The following ARHGEF9 variants were observed in gnomAD, a reference collection of about 807,000 sequenced individuals.
ARHGEF9 encodes Cdc42 guanine nucleotide exchange factor 9, also known as rho guanine nucleotide exchange factor 9.
ARHGEF9 carries 2 observed loss-of-function variants against 41.3 expected under a neutral mutation model. The observed-to-expected ratio is 0.05, with a 90% confidence interval of 0.02 to 0.15. The LOEUF is 0.15. Ranked by LOEUF, ARHGEF9 falls within the 10% of genes least tolerant of loss-of-function variation. ARHGEF9 has a pLI of 1.00. For missense variants in ARHGEF9, 225 were observed against 424.7 expected (o/e 0.53, Z 4.13); for synonymous variants, 160 against 154.4 (o/e 1.04, Z -0.27).
At chrX:63,642,227 T>C (rs1317778926) in intron 9 of ARHGEF9, 1 of 111,608 alleles carries the variant, frequency 9.0e-6, no homozygotes. Flanking sequence ...GTTAGGACAG[T>C]ATCCCTTTTG....
rs782750110 is a variant in ARHGEF9, at chrX:63,767,448, T to A, written c.30+17668A>T. 1.6e-5 allele frequency: 5 copies of A among 322,395 alleles called. No homozygotes were observed. The South Asian group carries it at 1.7e-4, about 11-fold the overall frequency. The allele number at this position is 322,395 out of a possible 1,213,427, so 26.6% of individuals were successfully genotyped here. A position where few individuals can be genotyped will look rare whatever the true frequency, so the allele number is the denominator to read the frequency against. ...TGTTTATGGATCTGATAAAATCTAG[T>A]TCTGTAATATTTTTAAGCCCAAGCC... On this transcript the variant is annotated intron_variant, in intron 1 of 9. Coordinates refer to ENST00000671741, the MANE Select transcript of ARHGEF9 (RefSeq NM_001353921.2).
intron 1 of ARHGEF9, among the ~76,000 whole-genome samples, chrX:63,779,355 A>G (rs2056344350): frequency 8.9e-6 from 1 of 112,537 alleles, no homozygotes; most frequent in African/African-American, 3.2e-5. Context: ...GGGAGGCCTC[A>G]CGATCACGGC....
At chrX:63,640,532 T>C (rs1261080593) in intron 9 of ARHGEF9, 1 of 112,472 alleles carries the variant, frequency 8.9e-6, no homozygotes, top group Non-Finnish European at 1.9e-5. Flanking sequence ...TATACTGATC[T>C]AGTTAATTAG....
intron 4 of ARHGEF9, among the ~76,000 whole-genome samples, chrX:63,685,654 A>T (rs1159373762): frequency 8.9e-6 from 1 of 111,968 alleles, no homozygotes; most frequent in Non-Finnish European, 1.9e-5. Context: ...ATACCTAAAA[A>T]TAGATCTGCA....
chrX:63,647,795 C>T (rs2048219193), intron 8 of ARHGEF9, among the ~76,000 whole-genome samples: 1 of 111,140 alleles, frequency 9.0e-6, no homozygotes, highest in Non-Finnish European at 1.9e-5. Flanking sequence ...GGAATAGTTT[C>T]AGAAGGAATG....
rs368580083 is a variant in ARHGEF9, at chrX:63,739,844, T to C, written c.31-15133A>G. Among the ~76,000 whole-genome samples, 3 of 112,323 alleles carry C rather than the reference T, an allele frequency of 2.7e-5. No individual in the cohort carries two copies. The East Asian group carries it at 8.4e-4, about 32-fold the overall frequency. On this transcript the variant is annotated intron_variant, in intron 1 of 9. Transcript: ENST00000671741. ...TCACATCCTATGTCACAATGAAGTCTTGCACTTAAAACTCTTATGAGAGAC... is the reference window on the plus strand; with the variant it reads ...TCACATCCTATGTCACAATGAAGTCCTGCACTTAAAACTCTTATGAGAGAC...
Position 63,737,429 on chromosome X carries a change from G to A in ARHGEF9, c.31-12718C>T, listed in dbSNP as rs1402498017. ...GCTTCTAAAAGCAGGTTTTGACAGG[G>A]GTGGGGTGGCCCCCCAAAAAAAATG... is the stretch of plus-strand genomic sequence containing the variant. On this transcript the variant is annotated intron_variant, in intron 1 of 9. Transcript: ENST00000671741. Among the ~76,000 whole-genome samples the A allele has an allele frequency of 2.7e-5, 3 of 112,034 alleles. No individual in the cohort carries two copies. In the South Asian group the frequency reaches 1.1e-3, roughly 42 times the overall value.
chrX:63,724,625 G>C lies in ARHGEF9; in HGVS notation c.117C>G (p.Gly39=), dbSNP rs781806390. The C allele has an allele frequency of 3.3e-6, 4 of 1,211,001 alleles. No individual in the cohort carries two copies. The South Asian group carries it at 7.0e-5, about 21-fold the overall frequency. The change falls in exon 2 of 10, where the codon GGC becomes GGG. Residue 39 remains glycine (G), a synonymous_variant. Coordinates refer to ENST00000671741, the MANE Select transcript of ARHGEF9 (RefSeq NM_001353921.2). ...AAGCATCCAAGACTTTGATGACGTCGCCAGCTTTAAATGCCAACTCCCGGT... is the reference window on the plus strand; with the variant it reads ...AAGCATCCAAGACTTTGATGACGTCCCCAGCTTTAAATGCCAACTCCCGGT... The part of the protein sequence containing the change: ...MANRELAFKA[G]DVIKVLDASN...
At chrX:63,687,825 A>C (rs2051080574) in intron 4 of ARHGEF9, among the ~76,000 whole-genome samples, 2 of 110,180 alleles carry the variant, frequency 1.8e-5, no homozygotes, top group South Asian at 3.9e-4. Context: ...GAAGAGAAAA[A>C]ATAATGAGAA....
At chrX:63,660,274 A>C (rs181702920) in intron 7 of ARHGEF9, among the ~76,000 whole-genome samples, 11 of 111,890 alleles carry the variant, frequency 9.8e-5, no homozygotes, top group Non-Finnish European at 2.1e-4. Context: ...CATTATCCTA[A>C]GCAAATTAAC....
At position 63,664,207 on chromosome X, in the gene ARHGEF9, G is replaced by A. The variant is rs148609989; in HGVS notation, c.1077+1679C>T. ...TAGACATGGCTCATTACTCCATCTTGGTCTTCCACTGCCCGTTGAGTTCTA... is the reference window on the plus strand; with the variant it reads ...TAGACATGGCTCATTACTCCATCTTAGTCTTCCACTGCCCGTTGAGTTCTA... On this transcript the variant is annotated intron_variant, in intron 7 of 9. Transcript: ENST00000671741. Among the ~76,000 whole-genome samples, 399 of 112,111 alleles carry A rather than the reference G, an allele frequency of 3.6e-3. 1 individual carries two copies. Among genetic ancestry groups the A allele is most frequent in the Non-Finnish European group, 6.3e-3 (335 of 53,153 alleles).
chrX:63,783,727 G>C (rs2056418539), intron 1 of ARHGEF9, among the ~76,000 whole-genome samples: 1 of 111,721 alleles, frequency 9.0e-6, no homozygotes, highest in Non-Finnish European at 1.9e-5. Context: ...TTGCCTCCAA[G>C]GAGTTTGTGG....
chrX:63,635,206 T>C lies in ARHGEF9; in HGVS notation c.*2822A>G. Reference sequence around the variant, plus strand: ...CATCCCCAAAGCACTAAAAGATCACTATTTGGCTTCACACTAGAATTGTTA... The same window carrying C: ...CATCCCCAAAGCACTAAAAGATCACCATTTGGCTTCACACTAGAATTGTTA... On this transcript the variant is annotated 3_prime_UTR_variant, in exon 10 of 10. Coordinates refer to ENST00000671741, the MANE Select transcript of ARHGEF9 (RefSeq NM_001353921.2). The C allele has an allele frequency of 3.6e-6, 1 of 274,108 alleles. No homozygotes were observed. The highest frequency in any genetic ancestry group is 6.9e-6 in the Non-Finnish European group (1 of 144,247). 22.6% of individuals were successfully genotyped at this position (274,108 alleles called of 1,213,427 possible). A position where few individuals can be genotyped will look rare whatever the true frequency, so the allele number is the denominator to read the frequency against.
intron 2 of ARHGEF9, among the ~76,000 whole-genome samples, chrX:63,713,701 T>TACACACAC (rs59012226): frequency 0.024 from 2,269 of 94,262 alleles, 38 homozygotes; most frequent in African/African-American, 0.059. Flanking sequence ...CCACTTCACA[T>TACACACAC]ACACACACAC....
chrX:63,706,186 C>T, intron 3 of ARHGEF9, 72 bp downstream of exon 3: 1 of 1,086,656 alleles, frequency 9.2e-7, no homozygotes, highest in Non-Finnish European at 1.2e-6. Context: ...CATCTTGGGA[C>T]TGTCACAGGC....
chrX:63,735,849 A>G (rs1387370706), intron 1 of ARHGEF9, among the ~76,000 whole-genome samples: 1 of 111,875 alleles, frequency 8.9e-6, no homozygotes, highest in African/African-American at 3.3e-5. Flanking sequence ...CTGCATTTAA[A>G]CAGCCCATCA....
At chrX:63,680,439 C>T (rs1271487157) in intron 4 of ARHGEF9, among the ~76,000 whole-genome samples, 1 of 112,214 alleles carries the variant, frequency 8.9e-6, no homozygotes. Context: ...AACCAGCTTC[C>T]CCAGCTTTAT....
In ARHGEF9 at chrX:63,635,251, C is replaced by A; in HGVS notation, c.*2777G>T. On this transcript the variant is annotated 3_prime_UTR_variant, in exon 10 of 10. Coordinates refer to ENST00000671741, the MANE Select transcript of ARHGEF9 (RefSeq NM_001353921.2). ...TTGTTAGAACTCTCTTGTTGCTGTT[C>A]TTATAGATCCATTAGAAATATACAC... The A allele has an allele frequency of 2.8e-6, 1 of 363,032 alleles. No homozygotes were observed. The highest frequency in any genetic ancestry group is 5.2e-6 in the Non-Finnish European group (1 of 193,244). 29.9% of individuals were successfully genotyped at this position (363,032 alleles called of 1,213,427 possible). A position where few individuals can be genotyped will look rare whatever the true frequency, so the allele number is the denominator to read the frequency against.
At chrX:63,677,888 C>A (rs1481917987) in intron 5 of ARHGEF9, among the ~76,000 whole-genome samples, 1 of 111,737 alleles carries the variant, frequency 8.9e-6, no homozygotes, top group Admixed American at 9.5e-5. Flanking sequence ...ATGAATTATG[C>A]CATATATAAT....
Sources: gnomAD v4.1 joint callset for allele counts (sites outside exome capture counted in the v4.1 genomes callset) on GRCh38, gnomAD v4.1.1 for gene constraint, MANE v1.5 for transcripts, NCBI Gene and HGNC (gene_info 2026-07-23, HGNC 2026-07-21) for gene names.